Variants in FOXN3 observed in about 807,000 individuals in gnomAD.
FOXN3 encodes the protein forkhead box N3, also known as forkhead box protein N3.
Under a neutral mutation model 38.4 loss-of-function variants are expected in FOXN3, and 7 were observed. That is an observed-to-expected ratio of 0.18 (90% CI 0.10 to 0.34). The LOEUF is 0.34. Ranked by LOEUF, FOXN3 falls within the 10% of genes least tolerant of loss-of-function variation. FOXN3 has a pLI of 1.00. For synonymous variants in FOXN3, 230 were observed against 242.2 expected, an observed-to-expected ratio of 0.95 and a Z score of 0.47; for missense variants, 456 against 613.4, an observed-to-expected ratio of 0.74 and a Z score of 2.71.
chr14:89,177,016 T>C lies in FOXN3; in HGVS notation c.851+3685A>G, dbSNP rs867007607. Among the ~76,000 whole-genome samples, 1,400 of 149,026 alleles carry C rather than the reference T, an allele frequency of 9.4e-3. 11 individuals carry two copies. Among genetic ancestry groups the C allele is most frequent in the Non-Finnish European group, 0.014 (967 of 66,910 alleles). On this transcript the variant is annotated intron_variant, in intron 5 of 5. Transcript: ENST00000557258. ...CTCTCTCTCTCTTTCTTTCTTTTTT[T>C]TTTTTTTTTTTTTTGACAGAGTCTT...
At chr14:89,176,379 A>G (rs1887518626) in intron 5 of FOXN3, among the ~76,000 whole-genome samples, 1 of 152,246 alleles carries the variant, frequency 6.6e-6, no homozygotes, top group South Asian at 2.1e-4. Flanking sequence ...AAATCCCTGA[A>G]AGACAAATAT....
At chr14:89,325,262 C>T (rs1255495037) in intron 3 of FOXN3, among the ~76,000 whole-genome samples, 5,465 of 147,946 alleles carry the variant, frequency 0.037, 364 homozygotes, top group African/African-American at 0.13. Flanking sequence ...ACCACCACCA[C>T]CACCATCACC....
chr14:89,320,897 G>A (rs1181136601), intron 3 of FOXN3, among the ~76,000 whole-genome samples: 2 of 152,178 alleles, frequency 1.3e-5, no homozygotes, highest in African/African-American at 4.8e-5. Flanking sequence ...ATGGCTGCGC[G>A]ATTCTCACCC....
chr14:89,294,920 C>T (rs148371407), intron 3 of FOXN3, among the ~76,000 whole-genome samples: 1,885 of 152,264 alleles, frequency 0.012, 41 homozygotes, highest in African/African-American at 0.043. Context: ...TCTATGGAAT[C>T]GCCCTGAATT....
intron 4 of FOXN3, among the ~76,000 whole-genome samples, chr14:89,257,192 T>C (rs1474975913): frequency 6.6e-6 from 1 of 152,172 alleles, no homozygotes; most frequent in Non-Finnish European, 1.5e-5. Flanking sequence ...TTCCATTCCA[T>C]CATGAGGGGC....
At chr14:89,386,471 GGCAC>G (rs1202527875) in intron 2 of FOXN3, among the ~76,000 whole-genome samples, 1 of 152,188 alleles carries the variant, frequency 6.6e-6, no homozygotes, top group East Asian at 1.9e-4. Context: ...TTCTAATCCT[GGCAC>G]TACTAGGCTA....
intron 4 of FOXN3, among the ~76,000 whole-genome samples, chr14:89,249,926 A>G (rs1284061236): frequency 6.6e-6 from 1 of 152,192 alleles, no homozygotes; most frequent in Admixed American, 6.5e-5. Flanking sequence ...ATGGCCATCA[A>G]TAAAACTTTT....
chr14:89,258,159 T>C (rs1232693426), intron 4 of FOXN3, among the ~76,000 whole-genome samples: 2 of 152,080 alleles, frequency 1.3e-5, no homozygotes, highest in East Asian at 1.9e-4. Flanking sequence ...CCTGGAGCAG[T>C]GGTGTTTGCC....
At chr14:89,383,600 T>C (rs1181100053) in intron 2 of FOXN3, among the ~76,000 whole-genome samples, 2 of 152,184 alleles carry the variant, frequency 1.3e-5, no homozygotes, top group African/African-American at 4.8e-5. Context: ...CCGGCCGATC[T>C]TGGCACTCCC....
chr14:89,315,489 G>A (rs2139965216), intron 3 of FOXN3, among the ~76,000 whole-genome samples: 1 of 152,234 alleles, frequency 6.6e-6, no homozygotes, highest in African/African-American at 2.4e-5. Context: ...TGGGTGTCCA[G>A]TCTCGTAGGC....
chr14:89,203,249 C>G (rs1226734947), intron 4 of FOXN3, among the ~76,000 whole-genome samples: 1 of 152,218 alleles, frequency 6.6e-6, no homozygotes, highest in East Asian at 1.9e-4. Flanking sequence ...GAGGGGACTT[C>G]AGAGGGATGT....
intron 4 of FOXN3, among the ~76,000 whole-genome samples, chr14:89,270,175 C>G (rs1886103895): frequency 6.6e-6 from 1 of 152,186 alleles, no homozygotes; most frequent in Admixed American, 6.5e-5. Flanking sequence ...GATAGCCAGT[C>G]AGGACTCCTA....
chr14:89,508,030 C>A (rs1170513209), intron 1 of FOXN3, among the ~76,000 whole-genome samples: 1 of 152,166 alleles, frequency 6.6e-6, no homozygotes, highest in Non-Finnish European at 1.5e-5. Context: ...GGCTCGGGAC[C>A]CAGGCCACAG....
At chr14:89,613,165 A>G (rs1204338941) in intron 1 of FOXN3, among the ~76,000 whole-genome samples, 1 of 151,350 alleles carries the variant, frequency 6.6e-6, no homozygotes, top group Non-Finnish European at 1.5e-5. Flanking sequence ...TAAAATCTAA[A>G]CTTGTATAAT....
intron 4 of FOXN3, among the ~76,000 whole-genome samples, chr14:89,202,754 C>T (rs75491530): frequency 0.022 from 3,308 of 152,304 alleles, 48 homozygotes; most frequent in Non-Finnish European, 0.031. Context: ...TCCTCCCCTC[C>T]GCATTTCGCA....
intron 2 of FOXN3, among the ~76,000 whole-genome samples, chr14:89,356,026 G>C (rs977003377): frequency 5.7e-5 from 8 of 140,316 alleles, no homozygotes; most frequent in African/African-American, 2.1e-4. Context: ...AGTTTGTGCA[G>C]AACATTCAGG....
intron 1 of FOXN3, among the ~76,000 whole-genome samples, chr14:89,545,393 A>G (rs1206812725): frequency 1.3e-5 from 2 of 152,242 alleles, no homozygotes; most frequent in African/African-American, 4.8e-5. Flanking sequence ...CCACATGTCT[A>G]AGAGTGTCGG....
At chr14:89,619,084 C>A (rs987906746) in exon 1 of FOXN3, 5 of 152,236 alleles carry the variant, frequency 3.3e-5, no homozygotes, top group African/African-American at 1.2e-4. Flanking sequence ...GCTGCGGCGA[C>A]GCTGGACTCG....
At chr14:89,561,869 A>G (rs1895256238) in intron 1 of FOXN3, among the ~76,000 whole-genome samples, 1 of 152,248 alleles carries the variant, frequency 6.6e-6, no homozygotes, top group South Asian at 2.1e-4. Context: ...TTGCTGCCAC[A>G]TCACTAAGTC....
Sources: allele counts gnomAD v4.1 joint callset (sites outside exome capture counted in the v4.1 genomes callset), GRCh38; gene constraint gnomAD v4.1.1; transcripts MANE v1.5; gene names NCBI Gene and HGNC (gene_info 2026-07-23, HGNC 2026-07-21).